Variants in BTBD9 observed in about 807,000 individuals in gnomAD.
BTBD9 encodes BTB domain containing 9, also known as BTB/POZ domain-containing protein 9.
A neutral mutation model predicts 64.3 loss-of-function variants in BTBD9; 49 were observed. The ratio of observed to expected loss-of-function variants is 0.76; its 90% CI spans 0.61 to 0.97. BTBD9 has a LOEUF of 0.97. Among genes scored for constraint, BTBD9 ranks in the 50% least tolerant of loss-of-function variants. The pLI is 0.00. For missense variants in BTBD9, 598 were observed against 762.1 expected (o/e 0.78, Z 2.53); for synonymous variants, 260 against 274.7 (o/e 0.95, Z 0.53).
chr6:38,414,706 T>C (rs1183693438), intron 6 of BTBD9, among the ~76,000 whole-genome samples: 1 of 152,224 alleles, frequency 6.6e-6, no homozygotes, highest in Non-Finnish European at 1.5e-5. Context: ...CCCATTCTTC[T>C]GTGATATCAC....
At position 38,541,299 on chromosome 6, in the gene BTBD9, C is replaced by T. The variant is rs551200692; in HGVS notation, c.1154+36301G>A. ...TGTTTTTTGTTTTACTATTACATTA[C>T]CTATGCATATACAATGCCTTGCATA... On this transcript the variant is annotated intron_variant, in intron 6 of 10. Transcript: ENST00000481247. Among the ~76,000 whole-genome samples, 23 of 152,122 alleles carry T rather than the reference C, an allele frequency of 1.5e-4. No homozygotes were observed. In the South Asian group the frequency reaches 2.1e-3, roughly 14 times the overall value.
At chr6:38,460,811 C>T (rs1460846125) in intron 6 of BTBD9, among the ~76,000 whole-genome samples, 7 of 151,826 alleles carry the variant, frequency 4.6e-5, no homozygotes, top group Middle Eastern at 3.2e-3. Flanking sequence ...TTAGTAGAGA[C>T]GGGGTTTCAC....
intron 6 of BTBD9, among the ~76,000 whole-genome samples, chr6:38,412,000 T>C (rs528823918): frequency 6.6e-6 from 1 of 152,150 alleles, no homozygotes; most frequent in Non-Finnish European, 1.5e-5. Context: ...TACACACACA[T>C]ATATATAAAA....
At chr6:38,219,756 C>T (rs766683624) in intron 9 of BTBD9, among the ~76,000 whole-genome samples, 9 of 152,100 alleles carry the variant, frequency 5.9e-5, no homozygotes, top group Non-Finnish European at 1.2e-4. Flanking sequence ...TATAAGCCAC[C>T]AATAAACATT....
At chr6:38,331,937 TTA>T (rs1193816054) in intron 7 of BTBD9, among the ~76,000 whole-genome samples, 3 of 152,230 alleles carry the variant, frequency 2.0e-5, no homozygotes, top group African/African-American at 7.2e-5. Flanking sequence ...TTTGTCTTAT[TTA>T]TATACATATA....
At chr6:38,267,793 A>G (rs567869015) in intron 8 of BTBD9, among the ~76,000 whole-genome samples, 39 of 152,166 alleles carry the variant, frequency 2.6e-4, no homozygotes, top group East Asian at 1.2e-3. Context: ...ACAAAAAATT[A>G]GCTGGGCGAG....
chr6:38,557,874 A>T (rs1775099490), intron 6 of BTBD9, among the ~76,000 whole-genome samples: 1 of 152,224 alleles, frequency 6.6e-6, no homozygotes, highest in Admixed American at 6.5e-5. Flanking sequence ...TAGCCAAGTT[A>T]GAATCCACTT....
chr6:38,183,258 T>G (rs184269395), intron 10 of BTBD9, among the ~76,000 whole-genome samples: 4,284 of 152,340 alleles, frequency 0.028, 111 homozygotes, highest in Middle Eastern at 0.065. Flanking sequence ...ATTACAGGTG[T>G]GAGCCACCGC....
At chr6:38,424,395 T>C (rs1279109771) in intron 6 of BTBD9, among the ~76,000 whole-genome samples, 1 of 151,948 alleles carries the variant, frequency 6.6e-6, no homozygotes, top group Non-Finnish European at 1.5e-5. Context: ...ACTGGCTCAA[T>C]GACAATGCTC....
chr6:38,170,221 G>C lies in BTBD9; in HGVS notation c.*4764C>G, dbSNP rs58130575. 1.3e-5 allele frequency: 2 copies of C among 152,280 alleles called. No homozygotes were observed. The highest frequency in any genetic ancestry group is 2.9e-5 in the Non-Finnish European group (2 of 68,142). 9.4% of individuals were successfully genotyped at this position (152,280 alleles called of 1,614,324 possible). The stretch of plus-strand genomic sequence containing the variant: ...AGTGATTTTCAAACAATGGTGTGTC[G>C]GGTGGGGCGGCTCTTCCATGCACCT... On this transcript the variant is annotated 3_prime_UTR_variant, in exon 11 of 11. Transcript: ENST00000481247.
At position 38,248,980 on chromosome 6, in the gene BTBD9, T is replaced by G. The variant is rs115981804; in HGVS notation, c.1562+7429A>C. Among the ~76,000 whole-genome samples the G allele has an allele frequency of 6.1e-3, 928 of 152,274 alleles. 9 individuals are homozygous for G. Among genetic ancestry groups the G allele is most frequent in the African/African-American group, 0.021 (867 of 41,540 alleles). On this transcript the variant is annotated intron_variant, in intron 9 of 10. Transcript: ENST00000481247. Reference sequence around the variant, plus strand: ...GCCATGTCACTGTGAAATTTGAGACTACCGAGGTGAAGAGAATATCCTAAA... The same window carrying G: ...GCCATGTCACTGTGAAATTTGAGACGACCGAGGTGAAGAGAATATCCTAAA...
chr6:38,453,871 A>C (rs1215010000), intron 6 of BTBD9, among the ~76,000 whole-genome samples: 3 of 152,336 alleles, frequency 2.0e-5, no homozygotes, highest in Non-Finnish European at 4.4e-5. Flanking sequence ...AGTTTCAAAT[A>C]GTGGGCGAAT....
In BTBD9 at chr6:38,400,398, C is replaced by T. The variant is rs75275210; in HGVS notation, c.1155-55305G>A. 6.5e-3 allele frequency among the ~76,000 whole-genome samples: 996 copies of T among 152,294 alleles called. 7 individuals are homozygous for T. The highest frequency in any genetic ancestry group is 0.023 in the African/African-American group (943 of 41,554). On this transcript the variant is annotated intron_variant, in intron 6 of 10. Transcript: ENST00000481247. ...TCTCAATCTATTCCTTTCTCCTTTGCTCTACTGAAACTAATCTGAAAAATC... is the reference window on the plus strand; with the variant it reads ...TCTCAATCTATTCCTTTCTCCTTTGTTCTACTGAAACTAATCTGAAAAATC...
intron 8 of BTBD9, among the ~76,000 whole-genome samples, chr6:38,280,575 T>G (rs190904001): frequency 1.3e-5 from 2 of 152,324 alleles, no homozygotes; most frequent in African/African-American, 2.4e-5. Context: ...AAAAGGAAAT[T>G]TCTAGCTCTC....
chr6:38,619,579 C>T (rs1777917440), intron 1 of BTBD9, among the ~76,000 whole-genome samples: 1 of 152,180 alleles, frequency 6.6e-6, no homozygotes, highest in African/African-American at 2.4e-5. Context: ...CAGAAGCCCC[C>T]AACCAGATAA....
intron 6 of BTBD9, among the ~76,000 whole-genome samples, chr6:38,460,473 T>C (rs1487136885): frequency 6.6e-6 from 1 of 152,190 alleles, no homozygotes; most frequent in East Asian, 1.9e-4. Context: ...AAGAATTTAC[T>C]GGTGTAATAT....
chr6:38,491,604 G>T (rs2127391605), intron 6 of BTBD9, among the ~76,000 whole-genome samples: 1 of 151,930 alleles, frequency 6.6e-6, no homozygotes, highest in Non-Finnish European at 1.5e-5. Flanking sequence ...CTAATTTATG[G>T]TTTATTTTAA....
At chr6:38,550,322 C>CTTT (rs70981562) in intron 6 of BTBD9, among the ~76,000 whole-genome samples, 406 of 144,084 alleles carry the variant, frequency 2.8e-3, no homozygotes, top group Middle Eastern at 7.1e-3. Flanking sequence ...TTTCTTTTTT[C>CTTT]TTTTTTTTTT....
chr6:38,313,053 CT>C (rs1480090721), intron 7 of BTBD9, among the ~76,000 whole-genome samples: 1 of 152,024 alleles, frequency 6.6e-6, no homozygotes, highest in East Asian at 1.9e-4. Flanking sequence ...AATATCTTTA[CT>C]TTTTTTGTGT....
Sources: allele counts gnomAD v4.1 joint callset (sites outside exome capture counted in the v4.1 genomes callset), GRCh38; gene constraint gnomAD v4.1.1; transcripts MANE v1.5; gene names NCBI Gene and HGNC (gene_info 2026-07-23, HGNC 2026-07-21).